The following EPC1 variants were observed in gnomAD, a reference collection of about 807,000 sequenced individuals.
The protein encoded by EPC1 is enhancer of polycomb 1, also known as enhancer of polycomb homolog 1.
Under a neutral mutation model 98.4 loss-of-function variants are expected in EPC1, and 12 were observed. That is an observed-to-expected ratio of 0.12 (90% CI 0.08 to 0.20). EPC1 has a LOEUF of 0.20. Ranked by LOEUF, EPC1 falls within the 10% of genes least tolerant of loss-of-function variation. EPC1 has a pLI of 1.00. For missense variants in EPC1, 729 were observed against 990.5 expected (o/e 0.74, Z 3.54); for synonymous variants, 357 against 363.9 (o/e 0.98, Z 0.21).
intron 1 of EPC1, among the ~76,000 whole-genome samples, chr10:32,330,888 C>CA (rs1651021771): frequency 1.3e-5 from 2 of 151,684 alleles, no homozygotes; most frequent in Non-Finnish European, 2.9e-5. Flanking sequence ...AAAAGCGGAA[C>CA]AAAATGTTTG....
Position 32,333,593 on chromosome 10 carries a change from AG to A in EPC1, c.153+13169del, listed in dbSNP as rs550456685. Among the ~76,000 whole-genome samples the A allele has an allele frequency of 3.3e-3, 509 of 152,364 alleles. 4 individuals are homozygous for A. The highest frequency in any genetic ancestry group is 0.012 in the African/African-American group (498 of 41,598). ...TGCATTCTGAGCCAAGATCAAATCCAGGGCACTGCCAGAAAAACATGATCTA... is the reference window on the plus strand; with the variant it reads ...TGCATTCTGAGCCAAGATCAAATCCAGGCACTGCCAGAAAAACATGATCTA... On this transcript the variant is annotated intron_variant, in intron 1 of 13. Coordinates refer to ENST00000319778, the MANE Select transcript of EPC1 (RefSeq NM_001272004.3).
chr10:32,329,254 A>T (rs1837494816), intron 1 of EPC1, among the ~76,000 whole-genome samples: 2 of 152,198 alleles, frequency 1.3e-5, no homozygotes, highest in South Asian at 4.1e-4. Context: ...CCTCCACTGC[A>T]GTGTACACAA....
chr10:32,288,975 G>C (rs1176204601), intron 6 of EPC1, among the ~76,000 whole-genome samples: 1 of 152,046 alleles, frequency 6.6e-6, no homozygotes, highest in African/African-American at 2.4e-5. Context: ...TGTAGTCCCA[G>C]CTATTTGGGA....
chr10:32,329,740 G>A (rs1458403685), intron 1 of EPC1, among the ~76,000 whole-genome samples: 1 of 152,108 alleles, frequency 6.6e-6, no homozygotes, highest in East Asian at 1.9e-4. Flanking sequence ...AATTACAGAG[G>A]CATTAAGCTC....
upstream of EPC1, among the ~76,000 whole-genome samples, chr10:32,349,054 C>T (rs1469649150): frequency 1.3e-5 from 2 of 152,180 alleles, no homozygotes; most frequent in Non-Finnish European, 2.9e-5. Context: ...TTCTGGGAGC[C>T]TCAAGAATTG....
At chr10:32,269,812 T>TA (rs566536929) in intron 13 of EPC1, among the ~76,000 whole-genome samples, 112 of 152,338 alleles carry the variant, frequency 7.4e-4, no homozygotes, top group African/African-American at 2.6e-3. Context: ...CAATGACTGT[T>TA]ACTTAAATTC....
chr10:32,321,656 C>T (rs1459470968), intron 1 of EPC1, among the ~76,000 whole-genome samples: 4 of 151,698 alleles, frequency 2.6e-5, no homozygotes, highest in Non-Finnish European at 5.9e-5. Context: ...AAAAAAAAAC[C>T]GTATCACTAT....
chr10:32,304,686 G>A lies in EPC1; in HGVS notation c.313+1086C>T, dbSNP rs186769970. On this transcript the variant is annotated intron_variant, in intron 2 of 13. Coordinates refer to ENST00000319778, the MANE Select transcript of EPC1 (RefSeq NM_001272004.3). ...TGTAATCCCAGCACTTTGGGAGGCC[G>A]AGGCGGGCGGATCACCTGAGGACAG... 6.1e-3 allele frequency among the ~76,000 whole-genome samples: 930 copies of A among 152,194 alleles called. 8 individuals carry two copies. Among genetic ancestry groups the A allele is most frequent in the Middle Eastern group, 0.014 (4 of 294 alleles).
intron 1 of EPC1, among the ~76,000 whole-genome samples, chr10:32,315,813 C>G (rs1347625319): frequency 6.6e-6 from 1 of 152,214 alleles, no homozygotes; most frequent in African/African-American, 2.4e-5. Flanking sequence ...CCTGCCTGCA[C>G]CTTCATCTGT....
chr10:32,339,777 ATTC>A lies in EPC1; in HGVS notation c.153+6983_153+6985del, dbSNP rs1838218521. ...TACATGATTTTTCATACACTGCCTT[ATTC>A]ACTCCTCAGAGCTATTTTGTAAGGT... On this transcript the variant is annotated intron_variant, in intron 1 of 13. Transcript: ENST00000319778. Among the ~76,000 whole-genome samples the A allele has an allele frequency of 2.6e-5, 4 of 152,302 alleles. 1 individual carries two copies. The highest frequency in any genetic ancestry group is 9.6e-5 in the African/African-American group (4 of 41,568).
At chr10:32,299,669 T>C (rs1835379313) in intron 2 of EPC1, among the ~76,000 whole-genome samples, 1 of 152,182 alleles carries the variant, frequency 6.6e-6, no homozygotes, top group Admixed American at 6.5e-5. Flanking sequence ...GTAAACTTTT[T>C]AAGTCCTTCT....
chr10:32,312,721 T>C (rs890159873), intron 1 of EPC1, among the ~76,000 whole-genome samples: 11 of 152,208 alleles, frequency 7.2e-5, no homozygotes, highest in African/African-American at 2.2e-4. Flanking sequence ...TATATGTGCA[T>C]GTACACATAC....
intron 1 of EPC1, among the ~76,000 whole-genome samples, chr10:32,368,197 C>G (rs986738531): frequency 1.3e-5 from 2 of 152,194 alleles, no homozygotes; most frequent in African/African-American, 4.8e-5. Context: ...TCATCATTTT[C>G]TGGCAATTGA....
chr10:32,327,865 T>C (rs1837399444), intron 1 of EPC1, among the ~76,000 whole-genome samples: 1 of 152,240 alleles, frequency 6.6e-6, no homozygotes, highest in African/African-American at 2.4e-5. Context: ...CTGTGATCTG[T>C]TGACTGAAAC....
intron 1 of EPC1, among the ~76,000 whole-genome samples, chr10:32,365,767 C>T (rs1436731806): frequency 2.3e-5 from 3 of 128,006 alleles, no homozygotes; most frequent in Admixed American, 9.9e-5. Context: ...TGCACTGAGC[C>T]GAGATCACGC....
Position 32,347,065 on chromosome 10 carries a change from C to T in EPC1, c.-150G>A, listed in dbSNP as rs1310427525. 2.1e-6 allele frequency: 3 copies of T among 1,457,574 alleles called. No homozygotes were observed. The highest frequency in any genetic ancestry group is 2.6e-5 in the Admixed American group (1 of 38,612). 90.3% of individuals were successfully genotyped at this position (1,457,574 alleles called of 1,614,324 possible). On this transcript the variant is annotated 5_prime_UTR_variant, in exon 1 of 14. Coordinates refer to ENST00000319778, the MANE Select transcript of EPC1 (RefSeq NM_001272004.3). ...CCCGCCGTCCGGGCACTAACACCAG[C>T]CGGGAGGGTGGGAGGCTGTGCCGCT... is the stretch of plus-strand genomic sequence containing the variant.
chr10:32,378,005 G>T (rs868757446), intron 1 of EPC1, among the ~76,000 whole-genome samples: 2 of 151,942 alleles, frequency 1.3e-5, no homozygotes, highest in Non-Finnish European at 2.9e-5. Context: ...TATAAACCCG[G>T]TTATGTCAAC....
intron 4 of EPC1, 108 bp from the exon 5 acceptor site, chr10:32,292,752 G>C: frequency 8.9e-7 from 1 of 1,128,530 alleles, no homozygotes; most frequent in Non-Finnish European, 1.2e-6. Context: ...AGAATTTAAA[G>C]ACAATAAAAG....
intron 1 of EPC1, among the ~76,000 whole-genome samples, chr10:32,321,186 T>C (rs930634972): frequency 2.0e-5 from 3 of 152,172 alleles, no homozygotes; most frequent in African/African-American, 4.8e-5. Context: ...AATAATTATA[T>C]TGGAACATAG....
Sources: gnomAD v4.1 joint callset for allele counts (sites outside exome capture counted in the v4.1 genomes callset) on GRCh38, gnomAD v4.1.1 for gene constraint, MANE v1.5 for transcripts, NCBI Gene and HGNC (gene_info 2026-07-23, HGNC 2026-07-21) for gene names.